The following LRPAP1 variants were observed in gnomAD, a reference collection of about 807,000 sequenced individuals.
LRPAP1 encodes the protein alpha-2-macroglobulin receptor-associated protein.
LRPAP1 carries 41 observed loss-of-function variants against 39.9 expected under a neutral mutation model. That is an observed-to-expected ratio of 1.03 (90% CI 0.80 to 1.33). The LOEUF is 1.33. Ranked by LOEUF, LRPAP1 falls within the 40% of genes most tolerant of loss-of-function variation. LRPAP1 has a pLI of 0.00. For missense variants in LRPAP1, 565 were observed against 482.3 expected (o/e 1.17, Z -1.61); for synonymous variants, 263 against 212.7 (o/e 1.24, Z -2.06).
At chr4:3,522,983 C>T (rs937491634) in intron 2 of LRPAP1, among the ~76,000 whole-genome samples, 5 of 152,100 alleles carry the variant, frequency 3.3e-5, no homozygotes, top group African/African-American at 9.7e-5. Flanking sequence ...CAGAAGATGG[C>T]GGGGAACTGG....
intron 5 of LRPAP1, among the ~76,000 whole-genome samples, chr4:3,517,059 C>G (rs1412068822): frequency 1.3e-5 from 2 of 152,264 alleles, no homozygotes; most frequent in Non-Finnish European, 2.9e-5. Flanking sequence ...ACTCAGCAAA[C>G]TGCATCGCAG....
chr4:3,531,741 T>C (rs749565392), intron 1 of LRPAP1, among the ~76,000 whole-genome samples: 5 of 152,372 alleles, frequency 3.3e-5, no homozygotes, highest in African/African-American at 4.8e-5. Context: ...CACCTCCTCA[T>C]TTCTCGCTCA....
intron 1 of LRPAP1, chr4:3,531,969 G>A (rs1365442952): frequency 1.6e-5 from 9 of 570,062 alleles, no homozygotes; most frequent in Non-Finnish European, 2.1e-5. Context: ...GACCCTCGGG[G>A]TGCCGGCCGC....
Position 3,520,036 on chromosome 4 carries a change from C to T in LRPAP1, c.471+36G>A. 4 of 1,609,268 alleles carry T rather than the reference C, an allele frequency of 2.5e-6. No homozygotes were observed. In the African/African-American group the frequency reaches 5.3e-5, roughly 21 times the overall value. The stretch of plus-strand genomic sequence containing the variant: ...CGCCTTAACACTCAACGTAACGGCA[C>T]CAATTCTGCAAGGTATGCAAACAAT... On this transcript the variant is annotated intron_variant, in intron 3 of 7. Coordinates refer to ENST00000650182, the MANE Select transcript of LRPAP1 (RefSeq NM_002337.4).
Position 3,507,868 on chromosome 4 carries a change from A to G in LRPAP1, c.*5106T>C, listed in dbSNP as rs1282412769. 8 of 152,272 alleles carry G rather than the reference A, an allele frequency of 5.3e-5. No individual in the cohort carries two copies. The highest frequency in any genetic ancestry group is 8.8e-5 in the Non-Finnish European group (6 of 68,052). 9.4% of individuals were successfully genotyped at this position (152,272 alleles called of 1,614,324 possible). ...GGAAAAGAAAACACAAATGGCCCAG[A>G]GCAGGAATGAGAATGGACATCACTG... On this transcript the variant is annotated 3_prime_UTR_variant, in exon 8 of 8. Transcript: ENST00000650182.
At chr4:3,528,631 G>A (rs1052754695) in intron 1 of LRPAP1, among the ~76,000 whole-genome samples, 8 of 152,174 alleles carry the variant, frequency 5.3e-5, no homozygotes, top group Admixed American at 1.3e-4. Flanking sequence ...GAGTGCCCGC[G>A]CCAGACTGCA....
chr4:3,517,425 G>A (rs986889227), intron 5 of LRPAP1, among the ~76,000 whole-genome samples: 1 of 152,252 alleles, frequency 6.6e-6, no homozygotes, highest in African/African-American at 2.4e-5. Context: ...CGTGCAGCTG[G>A]TGCTCAGTGT....
intron 5 of LRPAP1, among the ~76,000 whole-genome samples, chr4:3,516,622 G>A (rs939724151): frequency 6.6e-6 from 1 of 152,208 alleles, no homozygotes; most frequent in Non-Finnish European, 1.5e-5. Context: ...GTTTCCCTTC[G>A]GTCCTGCTCA....
At chr4:3,524,498 G>A (rs1023155066) in intron 2 of LRPAP1, among the ~76,000 whole-genome samples, 1 of 152,222 alleles carries the variant, frequency 6.6e-6, no homozygotes, top group South Asian at 2.1e-4. Context: ...TCCCTCTGGC[G>A]TGCCAATGGC....
chr4:3,530,383 G>C (rs1730212331), intron 1 of LRPAP1, among the ~76,000 whole-genome samples: 1 of 152,250 alleles, frequency 6.6e-6, no homozygotes, highest in Admixed American at 6.5e-5. Context: ...GCCTGCCATA[G>C]TACCAGGCTC....
chr4:3,523,810 C>T (rs1729994924), intron 2 of LRPAP1, among the ~76,000 whole-genome samples: 1 of 152,224 alleles, frequency 6.6e-6, no homozygotes. Flanking sequence ...GCTCTGGGGC[C>T]ACCCTCACGA....
Position 3,508,511 on chromosome 4 carries a change from A to T in LRPAP1, c.*4463T>A, listed in dbSNP as rs1470004305. 6.7e-6 allele frequency: 1 copy of T among 149,180 alleles called. No individual in the cohort carries two copies. The highest frequency in any genetic ancestry group is 1.5e-5 in the Non-Finnish European group (1 of 68,012). 9.2% of individuals were successfully genotyped at this position (149,180 alleles called of 1,614,324 possible). A position where few individuals can be genotyped will look rare whatever the true frequency, so the allele number is the denominator to read the frequency against. On this transcript the variant is annotated 3_prime_UTR_variant, in exon 8 of 8. Coordinates refer to ENST00000650182, the MANE Select transcript of LRPAP1 (RefSeq NM_002337.4). ...TCACATGACAAGACAATGAACATCC[A>T]AGCCCAGTGTCCCTCAAGAGCATTC...
intron 2 of LRPAP1, among the ~76,000 whole-genome samples, chr4:3,522,648 C>G (rs1794419): frequency 0.14 from 16,879 of 118,370 alleles, 2,428 homozygotes; most frequent in East Asian, 0.29. Context: ...ACACCCCCTG[C>G]CTGGGGAGGA....
At position 3,529,797 on chromosome 4, in the gene LRPAP1, T is replaced by C. The variant is rs542785354; in HGVS notation, c.204+2412A>G. ...CAAAGGCAAAGGTTTCCTGAAACGC[T>C]CCCTTCACCCTATGCCTACTGACAC... On this transcript the variant is annotated intron_variant, in intron 1 of 7. Transcript: ENST00000650182. Among the ~76,000 whole-genome samples the C allele has an allele frequency of 3.9e-5, 6 of 152,276 alleles. No homozygotes were observed. In the South Asian group the frequency reaches 1.2e-3, roughly 32 times the overall value.
At chr4:3,523,624 G>C (rs1729987297) in intron 2 of LRPAP1, among the ~76,000 whole-genome samples, 1 of 152,192 alleles carries the variant, frequency 6.6e-6, no homozygotes, top group Non-Finnish European at 1.5e-5. Context: ...CCCTCTCTGA[G>C]CCTGTCAAAT....
Position 3,510,789 on chromosome 4 carries a change from C to T in LRPAP1, c.*2185G>A, listed in dbSNP as rs912867023. The T allele has an allele frequency of 6.6e-6, 1 of 152,304 alleles. No individual in the cohort carries two copies. The highest frequency in any genetic ancestry group is 1.5e-5 in the Non-Finnish European group (1 of 68,072). The allele number at this position is 152,304 out of a possible 1,614,324, so 9.4% of individuals were successfully genotyped here. ...GACGCACGCAAAGACACAGACTGCC[C>T]AGAGCCATGCACGTGGAACCCATGG... On this transcript the variant is annotated 3_prime_UTR_variant, in exon 8 of 8. Transcript: ENST00000650182.
At chr4:3,523,777 A>G (rs1729993797) in intron 2 of LRPAP1, among the ~76,000 whole-genome samples, 1 of 152,234 alleles carries the variant, frequency 6.6e-6, no homozygotes, top group South Asian at 2.1e-4. Context: ...GCAGGGCTAC[A>G]GCAGACTCCA....
rs71180190 is a variant in LRPAP1 at position 3,504,745 on chromosome 4, C to CAAAAAA, written c.*8223_*8228dup. ...AGCCTGAGCAATTGAGATTCCATCT[C>CAAAAAA]AAAAAAAAAAAAAAAAAAACCAAAA... On this transcript the variant is annotated 3_prime_UTR_variant, in exon 8 of 8. Coordinates refer to ENST00000650182, the MANE Select transcript of LRPAP1 (RefSeq NM_002337.4). Among the ~76,000 whole-genome samples the CAAAAAA allele has an allele frequency of 1.1e-5, 1 of 87,292 alleles. No homozygotes were observed. The highest frequency in any genetic ancestry group is 2.2e-5 in the Non-Finnish European group (1 of 45,834). 57.3% of individuals were successfully genotyped at this position (87,292 alleles called of 152,430 possible).
chr4:3,524,832 CAT>C, intron 2 of LRPAP1, 73 bp downstream of exon 2: 1 of 1,532,248 alleles, frequency 6.5e-7, no homozygotes, highest in Non-Finnish European at 9.0e-7. Context: ...CAAAATCCGA[CAT>C]CCAAAACACT....
Sources: allele counts gnomAD v4.1 joint callset (sites outside exome capture counted in the v4.1 genomes callset), GRCh38; gene constraint gnomAD v4.1.1; transcripts MANE v1.5; gene names NCBI Gene and HGNC (gene_info 2026-07-23, HGNC 2026-07-21).